Variants in PARD3B observed in about 807,000 individuals in gnomAD.
PARD3B encodes partitioning defective 3 homolog B.
PARD3B carries 103 observed loss-of-function variants against 130.2 expected under a neutral mutation model. The observed-to-expected ratio is 0.79, with a 90% CI of 0.67 to 0.93. The LOEUF (loss-of-function observed/expected upper bound fraction) is 0.93. PARD3B is among the 40% of genes least tolerant of loss of function. PARD3B has a pLI of 0.00. For synonymous variants in PARD3B, 583 were observed against 553.2 expected, an observed-to-expected ratio of 1.05 and a Z score of -0.76; for missense variants, 1,609 against 1,499.2, an observed-to-expected ratio of 1.07 and a Z score of -1.21.
intron 1 of PARD3B, among the ~76,000 whole-genome samples, chr2:204,641,224 A>G (rs959161664): frequency 1.1e-4 from 17 of 149,744 alleles, no homozygotes; most frequent in African/African-American, 3.6e-4. Flanking sequence ...GTAAATGTAT[A>G]TATAATAAGT....
At position 205,125,953 on chromosome 2, in the gene PARD3B, T is replaced by C. The variant is rs13001141; in HGVS notation, c.1434+216T>C. ...GTAAACAGTGATTCCGGGGCACAGA[T>C]TCAAACACCTTTAGCAATAAGCAAC... On this transcript the variant is annotated intron_variant, in intron 10 of 22. Transcript: ENST00000406610. This position sits in a 1 kb window ranked among gnomAD's most constrained non-coding sequence, Gnocchi z 4.0. Among the ~76,000 whole-genome samples, 55,667 of 152,024 alleles carry C rather than the reference T, an allele frequency of 0.37. 11,167 individuals carry two copies. Among genetic ancestry groups the C allele is most frequent in the Admixed American group, 0.52 (8,016 of 15,278 alleles).
chr2:205,338,709 G>A (rs568339808), intron 18 of PARD3B, among the ~76,000 whole-genome samples: 1 of 152,168 alleles, frequency 6.6e-6, no homozygotes, highest in Non-Finnish European at 1.5e-5. Flanking sequence ...TGATAAGGAA[G>A]TAACCATGAG....
chr2:205,302,285 T>C (rs1158687789), intron 18 of PARD3B, among the ~76,000 whole-genome samples: 2 of 151,828 alleles, frequency 1.3e-5, no homozygotes, highest in Non-Finnish European at 2.9e-5. Context: ...CCAGGAGTCT[T>C]GAACTCCTGA....
chr2:204,647,533 T>C (rs1277034910), intron 1 of PARD3B, among the ~76,000 whole-genome samples: 1 of 151,842 alleles, frequency 6.6e-6, no homozygotes, highest in East Asian at 1.9e-4. Context: ...GGTTAAGTTG[T>C]ATGTAATAAG....
Position 204,606,997 on chromosome 2 carries a change from C to T in PARD3B, c.120+60878C>T, listed in dbSNP as rs1234905348. 6.6e-6 allele frequency among the ~76,000 whole-genome samples: 1 copy of T among 152,094 alleles called. No individual in the cohort carries two copies. The highest frequency in any genetic ancestry group is 1.5e-5 in the Non-Finnish European group (1 of 68,022). ...CCACTTTGATTCTTGCTTTAAAGTACATACTGGTTAGCAAGACTTGAGATT... is the reference window on the plus strand; with the variant it reads ...CCACTTTGATTCTTGCTTTAAAGTATATACTGGTTAGCAAGACTTGAGATT... On this transcript the variant is annotated intron_variant, in intron 1 of 22. Coordinates refer to ENST00000406610, the MANE Select transcript of PARD3B (RefSeq NM_001302769.2). The surrounding 1 kb of genome is among the most constrained non-coding windows in gnomAD (Gnocchi z 4.0).
chr2:205,043,346 G>T (rs1348432112), intron 3 of PARD3B, among the ~76,000 whole-genome samples: 1 of 151,892 alleles, frequency 6.6e-6, no homozygotes, highest in Non-Finnish European at 1.5e-5. Context: ...TTACATACCA[G>T]ACAGTTCCAT....
chr2:204,734,857 T>G (rs974004527), intron 2 of PARD3B, among the ~76,000 whole-genome samples: 1 of 151,968 alleles, frequency 6.6e-6, no homozygotes, highest in East Asian at 1.9e-4. Context: ...AAACTCAAAC[T>G]TTACCACTGA....
chr2:205,234,128 C>A (rs899472269), intron 15 of PARD3B, among the ~76,000 whole-genome samples: 2 of 152,070 alleles, frequency 1.3e-5, no homozygotes, highest in Non-Finnish European at 2.9e-5. Context: ...ATATGTTAGA[C>A]CATAAAAGGC....
intron 3 of PARD3B, among the ~76,000 whole-genome samples, chr2:204,996,418 TGAG>T (rs1157868568): frequency 6.6e-6 from 1 of 152,188 alleles, no homozygotes; most frequent in Non-Finnish European, 1.5e-5. Flanking sequence ...GGGACCCACT[TGAG>T]GAGGCAGTGT....
At chr2:205,100,688 C>T (rs1165193742) in intron 4 of PARD3B, among the ~76,000 whole-genome samples, 1 of 152,102 alleles carries the variant, frequency 6.6e-6, no homozygotes, top group Non-Finnish European at 1.5e-5. Context: ...TATACCCTTA[C>T]ATTTTTGGAA....
At position 205,618,281 on chromosome 2, in the gene PARD3B, A is replaced by T. The variant is rs535963386; in HGVS notation, c.*2468A>T. The stretch of plus-strand genomic sequence containing the variant: ...GAAGCTAACATTATATTTGTGACAG[A>T]CAGAGGCTCCATCAAGCCAAGCAAC... On this transcript the variant is annotated 3_prime_UTR_variant, in exon 23 of 23. Transcript: ENST00000406610. The T allele has an allele frequency of 1.1e-4, 16 of 152,246 alleles. No homozygotes were observed. Among genetic ancestry groups the T allele is most frequent in the Non-Finnish European group, 2.2e-4 (15 of 68,060 alleles). The allele number at this position is 152,246 out of a possible 1,614,324, so 9.4% of individuals were successfully genotyped here. A position where few individuals can be genotyped will look rare whatever the true frequency, so the allele number is the denominator to read the frequency against.
At chr2:205,380,602 G>GTATACATTATATAT (rs1559033944) in intron 18 of PARD3B, among the ~76,000 whole-genome samples, 4 of 22,950 alleles carry the variant, frequency 1.7e-4, no homozygotes, top group African/African-American at 5.6e-4. Context: ...AATATATAAA[G>GTATACATTATATAT]AATATATATT....
In PARD3B at chr2:205,405,081, T is replaced by A. The variant is rs1331503970; in HGVS notation, c.2741+3958T>A. Among the ~76,000 whole-genome samples the A allele has an allele frequency of 6.6e-6, 1 of 152,170 alleles. No homozygotes were observed. Among genetic ancestry groups the A allele is most frequent in the African/African-American group, 2.4e-5 (1 of 41,448 alleles). ...CTGATCCGAAACCATTTTGCTGCTA[T>A]ATATGGATAGTTTATCTATAGCTAC... is the stretch of plus-strand genomic sequence containing the variant. On this transcript the variant is annotated intron_variant, in intron 19 of 22. Coordinates refer to ENST00000406610, the MANE Select transcript of PARD3B (RefSeq NM_001302769.2). The surrounding 1 kb of genome is among the most constrained non-coding windows in gnomAD (Gnocchi z 4.1).
chr2:205,232,174 G>A (rs1428405434), intron 15 of PARD3B, among the ~76,000 whole-genome samples: 1 of 152,220 alleles, frequency 6.6e-6, no homozygotes, highest in Non-Finnish European at 1.5e-5. Context: ...GAAGGGCTAA[G>A]CACAGTGGCT....
intron 1 of PARD3B, among the ~76,000 whole-genome samples, chr2:204,553,651 C>CATATATATATAT (rs55744172): frequency 1.1e-4 from 9 of 83,424 alleles, no homozygotes; most frequent in African/African-American, 3.2e-4. Context: ...TATATATATC[C>CATATATATATAT]ATATATATAT....
At chr2:205,216,811 C>G (rs2037936829) in intron 15 of PARD3B, among the ~76,000 whole-genome samples, 1 of 152,094 alleles carries the variant, frequency 6.6e-6, no homozygotes, top group Non-Finnish European at 1.5e-5. Flanking sequence ...GGATCCGTAC[C>G]AAACTGTTGT....
At chr2:205,359,340 A>G (rs928561077) in intron 18 of PARD3B, among the ~76,000 whole-genome samples, 5 of 152,212 alleles carry the variant, frequency 3.3e-5, no homozygotes, top group African/African-American at 1.2e-4. Context: ...CAATAATAAC[A>G]TGAAATATAT....
At chr2:204,755,867 G>A (rs545663206) in intron 2 of PARD3B, among the ~76,000 whole-genome samples, 12 of 152,092 alleles carry the variant, frequency 7.9e-5, no homozygotes, top group Non-Finnish European at 1.2e-4. Flanking sequence ...TACATGAAAA[G>A]GAAGTGATTG....
intron 18 of PARD3B, among the ~76,000 whole-genome samples, chr2:205,316,236 T>C (rs984005882): frequency 1.3e-5 from 2 of 152,110 alleles, no homozygotes; most frequent in African/African-American, 2.4e-5. Context: ...TTTTAATTTC[T>C]GCTTGAAGAA....
Sources: gnomAD v4.1 joint callset for allele counts (sites outside exome capture counted in the v4.1 genomes callset) on GRCh38, gnomAD v4.1.1 for gene constraint, Gnocchi (gnomAD v3.1) non-coding constraint, MANE v1.5 for transcripts, NCBI Gene and HGNC (gene_info 2026-07-23, HGNC 2026-07-21) for gene names.